The following DNM3 variants were observed in gnomAD, a reference collection of about 807,000 sequenced individuals.
DNM3 encodes dynamin 3, also known as dynamin-3.
DNM3 carries 47 observed loss-of-function variants against 101.6 expected under a neutral mutation model. The observed-to-expected ratio is 0.46, with a 90% confidence interval of 0.37 to 0.59. The LOEUF is 0.59. Among genes scored for constraint, DNM3 ranks in the 20% least tolerant of loss-of-function variants. The pLI is 0.00. For missense variants in DNM3, 849 were observed against 1,085.7 expected (o/e 0.78, Z 3.06); for synonymous variants, 385 against 387.9 (o/e 0.99, Z 0.09).
At position 171,956,156 on chromosome 1, in the gene DNM3, C is replaced by A. The variant is rs142932833; in HGVS notation, c.236-31500C>A. On this transcript the variant is annotated intron_variant, in intron 2 of 20. Coordinates refer to ENST00000627582, the MANE Select transcript of DNM3 (RefSeq NM_015569.5). ...ACATTTCAAAACCAATCATGCCTTC[C>A]CAACAGTCCCCTAAAGTCTTAACTC... is the stretch of plus-strand genomic sequence containing the variant. Among the ~76,000 whole-genome samples the A allele has an allele frequency of 2.4e-3, 363 of 152,220 alleles. 6 individuals carry two copies. Among genetic ancestry groups the A allele is most frequent in the African/African-American group, 7.8e-3 (324 of 41,536 alleles).
chr1:172,295,492 ATTC>A (rs147179613), intron 15 of DNM3, among the ~76,000 whole-genome samples: 11,098 of 152,196 alleles, frequency 0.073, 456 homozygotes, highest in African/African-American at 0.1. Flanking sequence ...AAGCTTCTAA[ATTC>A]TTCAAGAAGT....
intron 13 of DNM3, among the ~76,000 whole-genome samples, chr1:172,114,539 G>A (rs2055749499): frequency 6.6e-6 from 1 of 152,144 alleles, no homozygotes; most frequent in Non-Finnish European, 1.5e-5. Context: ...AAGGAAATAA[G>A]GTATCCCAAT....
chr1:171,939,681 A>G (rs1291296834), intron 2 of DNM3, among the ~76,000 whole-genome samples: 3 of 152,202 alleles, frequency 2.0e-5, no homozygotes, highest in African/African-American at 7.2e-5. Flanking sequence ...CAAACTGTAG[A>G]GTTGTTAATA....
chr1:172,235,480 G>C (rs945296859), intron 14 of DNM3, among the ~76,000 whole-genome samples: 1 of 152,160 alleles, frequency 6.6e-6, no homozygotes, highest in African/African-American at 2.4e-5. Flanking sequence ...ATTTGACCCA[G>C]CAATCCCATT....
chr1:171,852,719 G>T (rs1045691045), intron 1 of DNM3, among the ~76,000 whole-genome samples: 13 of 152,220 alleles, frequency 8.5e-5, no homozygotes, highest in Admixed American at 7.9e-4. Context: ...TAAACTTAAC[G>T]TAGAGGAGAC....
intron 1 of DNM3, among the ~76,000 whole-genome samples, chr1:171,874,138 G>A (rs1338916861): frequency 6.6e-6 from 1 of 152,094 alleles, no homozygotes; most frequent in Non-Finnish European, 1.5e-5. Context: ...TAGTTTTTCT[G>A]TATTTTAAAA....
chr1:172,205,743 T>C (rs1297535535), intron 14 of DNM3, among the ~76,000 whole-genome samples: 1 of 152,110 alleles, frequency 6.6e-6, no homozygotes, highest in Non-Finnish European at 1.5e-5. Context: ...GTAATGAATA[T>C]ATAGTCGGGA....
Position 172,102,847 on chromosome 1 carries a change from C to T in DNM3, c.1545+9972C>T, listed in dbSNP as rs115406911. Among the ~76,000 whole-genome samples, 1,263 of 152,112 alleles carry T rather than the reference C, an allele frequency of 8.3e-3. 27 individuals are homozygous for T. Among genetic ancestry groups the T allele is most frequent in the African/African-American group, 0.028 (1,179 of 41,478 alleles). On this transcript the variant is annotated intron_variant, in intron 13 of 20. Coordinates refer to ENST00000627582, the MANE Select transcript of DNM3 (RefSeq NM_015569.5). ...TGTGGTGTGTTTGATTCCAAGTAAG[C>T]AAATGCCTGTATTATTCCAATTCCT... is the stretch of plus-strand genomic sequence containing the variant.
intron 2 of DNM3, among the ~76,000 whole-genome samples, chr1:171,923,638 C>T (rs186824041): frequency 3.9e-5 from 6 of 152,124 alleles, no homozygotes; most frequent in Admixed American, 3.9e-4. Flanking sequence ...TAGCTTTGAT[C>T]TTCCACTTAG....
chr1:172,009,395 G>A (rs2046967921), intron 4 of DNM3, among the ~76,000 whole-genome samples: 1 of 150,964 alleles, frequency 6.6e-6, no homozygotes, highest in South Asian at 2.1e-4. Context: ...TCTGCAAAAA[G>A]CTTACTGGGA....
At chr1:171,854,766 G>A (rs913021124) in intron 1 of DNM3, among the ~76,000 whole-genome samples, 3 of 151,502 alleles carry the variant, frequency 2.0e-5, no homozygotes, top group Non-Finnish European at 2.9e-5. Flanking sequence ...TGTGGAGACG[G>A]GGTTTCACCA....
At chr1:171,939,852 T>C (rs1406678601) in intron 2 of DNM3, among the ~76,000 whole-genome samples, 1 of 152,166 alleles carries the variant, frequency 6.6e-6, no homozygotes, top group Non-Finnish European at 1.5e-5. Context: ...ACAGAAATCA[T>C]AGATCACAGA....
chr1:171,854,733 T>A (rs2033397778), intron 1 of DNM3, among the ~76,000 whole-genome samples: 1 of 151,670 alleles, frequency 6.6e-6, no homozygotes, highest in Non-Finnish European at 1.5e-5. Flanking sequence ...CCCACCAGCA[T>A]GCCAGGCTAA....
At chr1:172,260,865 G>A (rs2148711302) in intron 15 of DNM3, among the ~76,000 whole-genome samples, 1 of 151,928 alleles carries the variant, frequency 6.6e-6, no homozygotes, top group Non-Finnish European at 1.5e-5. Context: ...CCCTTCTTGT[G>A]TCTCTCTGAG....
intron 13 of DNM3, among the ~76,000 whole-genome samples, chr1:172,130,327 C>T (rs2056866761): frequency 6.6e-6 from 1 of 152,036 alleles, no homozygotes; most frequent in African/African-American, 2.4e-5. Context: ...GTATAGAGGA[C>T]ATGGTAAATG....
chr1:172,044,260 A>G (rs1373765165), intron 8 of DNM3, 125 bp from the exon 9 acceptor site: 1 of 761,610 alleles, frequency 1.3e-6, no homozygotes, highest in African/African-American at 1.8e-5. Context: ...ATCTGGGTTT[A>G]GGTTAGGAAA....
chr1:172,080,791 C>T (rs556575275), intron 11 of DNM3, among the ~76,000 whole-genome samples: 10 of 152,290 alleles, frequency 6.6e-5, no homozygotes, highest in South Asian at 6.2e-4. Context: ...CTGCAGGTTG[C>T]GAAGACCATG....
intron 15 of DNM3, among the ~76,000 whole-genome samples, chr1:172,276,543 G>GA (rs997413063): frequency 2.8e-5 from 3 of 106,252 alleles, no homozygotes; most frequent in Non-Finnish European, 6.4e-5. Context: ...AATAATCACA[G>GA]AAAAAAAATC....
At chr1:171,873,959 C>A (rs1207788265) in intron 1 of DNM3, among the ~76,000 whole-genome samples, 1 of 152,092 alleles carries the variant, frequency 6.6e-6, no homozygotes, top group Non-Finnish European at 1.5e-5. Flanking sequence ...TATTTTTCTT[C>A]TAAGTGTTGC....
Sources: allele counts gnomAD v4.1 joint callset (sites outside exome capture counted in the v4.1 genomes callset), GRCh38; gene constraint gnomAD v4.1.1; transcripts MANE v1.5; gene names NCBI Gene and HGNC (gene_info 2026-07-23, HGNC 2026-07-21).